PAM: variants seen among roughly 807,000 people sequenced by gnomAD.
The protein encoded by PAM is peptidylglycine alpha-amidating monooxygenase.
Under a neutral mutation model 122.1 loss-of-function variants are expected in PAM, and 72 were observed. The ratio of observed to expected loss-of-function variants is 0.59; its 90% CI spans 0.49 to 0.72. The LOEUF is 0.72. PAM is among the 30% of genes least tolerant of loss of function. The pLI, the probability that PAM is intolerant of heterozygous loss-of-function variation, is 0.00. For missense variants in PAM, 1,106 were observed against 1,183.7 expected (o/e 0.93, Z 0.96); for synonymous variants, 389 against 404.4 (o/e 0.96, Z 0.46).
At chr5:102,838,824 T>G (rs183356110) in intron 1 of PAM, among the ~76,000 whole-genome samples, 73 of 152,304 alleles carry the variant, frequency 4.8e-4, no homozygotes, top group African/African-American at 1.7e-3. Flanking sequence ...TGGAAGAGTT[T>G]CTGGTTTTTC....
At chr5:102,801,875 T>C (rs1340964787) in intron 1 of PAM, among the ~76,000 whole-genome samples, 1 of 145,954 alleles carries the variant, frequency 6.9e-6, no homozygotes, top group Non-Finnish European at 1.5e-5. Flanking sequence ...GCCTCCTGGG[T>C]TCACGCCATT....
chr5:102,894,224 A>C (rs1795537428), intron 3 of PAM, among the ~76,000 whole-genome samples: 1 of 151,672 alleles, frequency 6.6e-6, no homozygotes, highest in Non-Finnish European at 1.5e-5. Flanking sequence ...CAGTCCTTCT[A>C]GGGGGAGCCA....
intron 1 of PAM, among the ~76,000 whole-genome samples, chr5:102,839,536 C>CAAAAAAAAAAAAAA (rs34092506): frequency 1.2e-5 from 1 of 81,182 alleles, no homozygotes; most frequent in South Asian, 4.0e-4. Context: ...GGCTCAGTCT[C>CAAAAAAAAAAAAAA]AAAAAAAAAA....
At chr5:103,012,050 T>G (rs1448962879) in intron 21 of PAM, among the ~76,000 whole-genome samples, 4 of 152,246 alleles carry the variant, frequency 2.6e-5, no homozygotes, top group African/African-American at 9.6e-5. Context: ...GTTTGCCATT[T>G]GTATGTCTTC....
chr5:102,877,518 A>C (rs1162451737), intron 3 of PAM, among the ~76,000 whole-genome samples: 2 of 152,252 alleles, frequency 1.3e-5, no homozygotes, highest in African/African-American at 2.4e-5. Flanking sequence ...AATGTAGTTC[A>C]AGAGGTAGGG....
chr5:102,978,474 A>G (rs1351910877), intron 15 of PAM, among the ~76,000 whole-genome samples: 3 of 152,046 alleles, frequency 2.0e-5, no homozygotes, highest in African/African-American at 7.2e-5. Flanking sequence ...TGGAAACTAG[A>G]CTCATTGAAC....
rs1008287739 is a variant in PAM at position 102,924,874 on chromosome 5, C to T, written c.357-83C>T. 6 of 765,178 alleles carry T rather than the reference C, an allele frequency of 7.8e-6. No homozygotes were observed. In the African/African-American group the frequency reaches 8.6e-5, roughly 11 times the overall value. 47.4% of individuals were successfully genotyped at this position (765,178 alleles called of 1,614,324 possible). A position where few individuals can be genotyped will look rare whatever the true frequency, so the allele number is the denominator to read the frequency against. On this transcript the variant is annotated intron_variant, in intron 5 of 25. Coordinates refer to ENST00000438793, the MANE Select transcript of PAM (RefSeq NM_001177306.2). ...GATGTACTTTGGTTTCAAATACCTT[C>T]CCCCATCACCTCCCACCATGGGGAG...
chr5:102,917,071 A>T (rs1222810213), intron 5 of PAM, among the ~76,000 whole-genome samples: 1 of 151,984 alleles, frequency 6.6e-6, no homozygotes, highest in Non-Finnish European at 1.5e-5. Context: ...GGTATACATT[A>T]TTTATCTTCC....
At chr5:102,981,070 A>G (rs1344015463) in intron 15 of PAM, among the ~76,000 whole-genome samples, 1 of 152,138 alleles carries the variant, frequency 6.6e-6, no homozygotes, top group Non-Finnish European at 1.5e-5. Flanking sequence ...TATGTGACAA[A>G]TGAGTGTTTT....
chr5:102,990,518 T>C (rs1773730187), intron 16 of PAM, 117 bp downstream of exon 16: 1 of 674,604 alleles, frequency 1.5e-6, no homozygotes, highest in Non-Finnish European at 2.3e-6. Context: ...ATTTGACTTT[T>C]ATGAGCAAAA....
chr5:102,833,204 T>C (rs1385988203), intron 1 of PAM, among the ~76,000 whole-genome samples: 3 of 152,170 alleles, frequency 2.0e-5, no homozygotes, highest in Non-Finnish European at 4.4e-5. Flanking sequence ...CCAGTAGTTC[T>C]TCCTGTTTAC....
chr5:103,008,325 A>G (rs1014359051), intron 20 of PAM, among the ~76,000 whole-genome samples: 34 of 152,084 alleles, frequency 2.2e-4, no homozygotes, highest in Non-Finnish European at 3.7e-4. Context: ...GTAATTGTAT[A>G]TATTTGTAGA....
intron 1 of PAM, among the ~76,000 whole-genome samples, chr5:102,859,335 AGTGTGTGTGTGTGTGTGT>A (rs57728525): frequency 2.8e-5 from 4 of 142,412 alleles, no homozygotes; most frequent in Non-Finnish European, 4.7e-5. Context: ...GGCCCAGGCT[AGTGTGTGTGTGTGTGTGT>A]GTGTGTGTGT....
chr5:102,881,129 T>TACACACACACACACACACACATAC (rs1554098697), intron 3 of PAM, among the ~76,000 whole-genome samples: 6 of 145,710 alleles, frequency 4.1e-5, no homozygotes, highest in African/African-American at 1.6e-4. Context: ...TTTTTATACA[T>TACACACACACACACACACACATAC]ACACACACAC....
At chr5:102,775,226 G>T (rs1200833109) in intron 1 of PAM, among the ~76,000 whole-genome samples, 1 of 151,990 alleles carries the variant, frequency 6.6e-6, no homozygotes, top group African/African-American at 2.4e-5. Context: ...TTAAAGCAAG[G>T]TTGTCAATAT....
Position 102,865,921 on chromosome 5 carries a change from G to C in PAM, c.-275G>C. 1 of 373,936 alleles carries C rather than the reference G, an allele frequency of 2.7e-6. No individual in the cohort carries two copies. The allele number at this position is 373,936 out of a possible 1,614,324, so 23.2% of individuals were successfully genotyped here. ...CCGCGCGTCTAGCCCCAGCGCCAGG[G>C]CACGCGAGCGGCGCTGGAGGGAGGA... On this transcript the variant is annotated 5_prime_UTR_variant, in exon 2 of 26. Transcript: ENST00000438793.
chr5:102,878,997 A>C (rs889727383), intron 3 of PAM, among the ~76,000 whole-genome samples: 2 of 151,856 alleles, frequency 1.3e-5, no homozygotes, highest in African/African-American at 4.8e-5. Context: ...GGCAAGATCT[A>C]CGTTCACTGC....
At chr5:102,998,786 G>A (rs1776492462) in intron 16 of PAM, among the ~76,000 whole-genome samples, 2 of 152,042 alleles carry the variant, frequency 1.3e-5, no homozygotes. Flanking sequence ...CTTAATAGCA[G>A]AAGCATAATT....
rs563811400 is a variant in PAM, at chr5:102,798,551, G to A, written c.-374+43203G>A. 2.6e-5 allele frequency among the ~76,000 whole-genome samples: 4 copies of A among 152,258 alleles called. No homozygotes were observed. In the South Asian group the frequency reaches 8.3e-4, roughly 32 times the overall value. ...AAAGTAGCTTGTGATTCTCATTTGT[G>A]GCTAGAGAGTTAATCATCTTTCGAT... On this transcript the variant is annotated intron_variant, in intron 1 of 25. Coordinates refer to ENST00000438793, the MANE Select transcript of PAM (RefSeq NM_001177306.2).
Sources: gnomAD v4.1 joint callset for allele counts (sites outside exome capture counted in the v4.1 genomes callset) on GRCh38, gnomAD v4.1.1 for gene constraint, MANE v1.5 for transcripts, NCBI Gene and HGNC (gene_info 2026-07-23, HGNC 2026-07-21) for gene names.